Variants in ZFAT observed in about 807,000 individuals in gnomAD.
ZFAT encodes the protein zinc finger and AT-hook domain containing.
In ZFAT, 64 loss-of-function variants were observed where a neutral mutation model predicts 117.7. That is an observed-to-expected ratio of 0.54 (90% CI 0.44 to 0.67). The LOEUF is 0.67. ZFAT is among the 30% of genes least tolerant of loss of function. The probability of loss-of-function intolerance (pLI) is 0.00; values close to 1 mark genes in which losing one functional copy is unlikely to be tolerated. For missense variants in ZFAT, 1,433 were observed against 1,584.5 expected, an observed-to-expected ratio of 0.90 and a Z score of 1.62; for synonymous variants, 679 against 615.0, an observed-to-expected ratio of 1.10 and a Z score of -1.54.
intron 12 of ZFAT, among the ~76,000 whole-genome samples, chr8:134,521,275 G>C (rs989066499): frequency 4.0e-5 from 6 of 149,838 alleles, no homozygotes; most frequent in Non-Finnish European, 7.5e-5. Context: ...ATGGCAGAGA[G>C]AACTAAGATA....
Position 134,565,391 on chromosome 8 carries a change from T to A in ZFAT, c.2918A>T (p.Tyr973Phe), listed in dbSNP as rs557068277. The A allele has an allele frequency of 1.2e-6, 2 of 1,613,914 alleles. No individual in the cohort carries two copies. Among genetic ancestry groups the A allele is most frequent in the South Asian group, 2.2e-5 (2 of 91,050 alleles). ...CAGCTGTGGCTTCTGGGCCGCTGTG[T>A]AGTCACACACCGTGCACTTAAACTG... ...GKQFKCTVCD[Y>F]TAAQKPQLLR... Residue 973 changes from tyrosine to phenylalanine, a missense_variant, in exon 11 of 16, where the codon TAC becomes TTC. Tyr to Phe is a conservative substitution (Grantham distance 22). Around this residue, in one of 5 missense-constraint regions of ZFAT, gnomAD observed 503 missense variants for 543.4 expected, o/e 0.93. Coordinates refer to ENST00000377838, the MANE Select transcript of ZFAT (RefSeq NM_020863.4).
chr8:134,704,758 GTTC>G (rs879305217), intron 1 of ZFAT, among the ~76,000 whole-genome samples: 6 of 152,040 alleles, frequency 3.9e-5, no homozygotes, highest in Admixed American at 6.5e-5. Flanking sequence ...GGAAGAAAAG[GTTC>G]TTCTAACAAA....
intron 3 of ZFAT, among the ~76,000 whole-genome samples, chr8:134,622,017 A>G (rs1829148750): frequency 6.6e-6 from 1 of 152,246 alleles, no homozygotes; most frequent in African/African-American, 2.4e-5. Context: ...TAAGGTTCAC[A>G]TGAGGGAACA....
At chr8:134,552,914 A>T (rs574905208) in intron 11 of ZFAT, among the ~76,000 whole-genome samples, 1 of 152,360 alleles carries the variant, frequency 6.6e-6, no homozygotes, top group Admixed American at 6.5e-5. Flanking sequence ...TGCTTTCCAT[A>T]AACCAGGAAA....
intron 15 of ZFAT, among the ~76,000 whole-genome samples, chr8:134,492,166 C>T (rs1818102212): frequency 6.6e-6 from 1 of 152,002 alleles, no homozygotes; most frequent in Admixed American, 6.5e-5. Flanking sequence ...CTACGGCAAG[C>T]AACTGCCCTC....
intron 15 of ZFAT, among the ~76,000 whole-genome samples, chr8:134,489,133 GAC>G (rs1289072327): frequency 6.6e-6 from 1 of 151,980 alleles, no homozygotes; most frequent in Non-Finnish European, 1.5e-5. Flanking sequence ...CTCTCTATTA[GAC>G]AGCAGAGACC....
intron 3 of ZFAT, among the ~76,000 whole-genome samples, chr8:134,619,116 T>C (rs1382656547): frequency 6.6e-6 from 1 of 152,136 alleles, no homozygotes; most frequent in African/African-American, 2.4e-5. Flanking sequence ...AAAATATCAT[T>C]GTCAAAAATG....
At chr8:134,517,279 A>G (rs1020661702) in intron 13 of ZFAT, among the ~76,000 whole-genome samples, 1 of 152,116 alleles carries the variant, frequency 6.6e-6, no homozygotes, top group Non-Finnish European at 1.5e-5. Context: ...TATTATATAA[A>G]ATACTTTTAC....
rs141120599 is a variant in ZFAT, at chr8:134,537,454, G to A, written c.2977-4482C>T. ...AGATCTAAGTATCAACCTCTAGACC[G>A]AGGAATCGCACAGTGGACCGGGAGA... On this transcript the variant is annotated intron_variant, in intron 11 of 15. Coordinates refer to ENST00000377838, the MANE Select transcript of ZFAT (RefSeq NM_020863.4). Among the ~76,000 whole-genome samples the A allele has an allele frequency of 3.9e-5, 6 of 152,330 alleles. No individual in the cohort carries two copies. The East Asian group carries it at 9.6e-4, about 24-fold the overall frequency.
chr8:134,521,385 AG>A (rs1228477496), intron 12 of ZFAT, among the ~76,000 whole-genome samples: 1 of 152,194 alleles, frequency 6.6e-6, no homozygotes, highest in Non-Finnish European at 1.5e-5. Context: ...AACAATGGAA[AG>A]GGAGTGTCTG....
chr8:134,506,359 T>C (rs944016093), intron 15 of ZFAT, among the ~76,000 whole-genome samples: 6 of 152,190 alleles, frequency 3.9e-5, no homozygotes, highest in African/African-American at 1.4e-4. Context: ...TTTCTGAGCG[T>C]TGGGAGATGC....
chr8:134,664,462 T>C lies in ZFAT; in HGVS notation c.20-6725A>G, dbSNP rs569554928. 3.3e-5 allele frequency among the ~76,000 whole-genome samples: 5 copies of C among 152,326 alleles called. No individual in the cohort carries two copies. The East Asian group carries it at 9.7e-4, about 29-fold the overall frequency. ...CCCCAGGGGCGCTCTATGCTGCTCC[T>C]ACCATTGCAATCTCATATTTAAAAG... On this transcript the variant is annotated intron_variant, in intron 1 of 15. Coordinates refer to ENST00000377838, the MANE Select transcript of ZFAT (RefSeq NM_020863.4).
chr8:134,543,960 G>A (rs1026621947), intron 11 of ZFAT, among the ~76,000 whole-genome samples: 3 of 152,092 alleles, frequency 2.0e-5, no homozygotes, highest in Admixed American at 6.5e-5. Context: ...TGAGTTCAAC[G>A]TTTTCTTTAA....
At chr8:134,568,701 C>T (rs1186989094) in intron 10 of ZFAT, among the ~76,000 whole-genome samples, 1 of 152,206 alleles carries the variant, frequency 6.6e-6, no homozygotes, top group East Asian at 1.9e-4. Context: ...TAAAAGCCAT[C>T]CCTTACTGAA....
chr8:134,522,344 T>C (rs1820724964), intron 12 of ZFAT, among the ~76,000 whole-genome samples: 1 of 152,222 alleles, frequency 6.6e-6, no homozygotes, highest in Non-Finnish European at 1.5e-5. Context: ...GCCAATAACC[T>C]TCCCCACCAT....
the ZFAT span, among the ~76,000 whole-genome samples, chr8:134,813,216 T>C: frequency 6.6e-6 from 1 of 152,242 alleles, no homozygotes; most frequent in African/African-American, 2.4e-5. Flanking sequence ...CACAATCTGG[T>C]TGTATTTTTA....
chr8:134,722,905 T>C, the ZFAT span: 1 of 152,038 alleles, frequency 6.6e-6, no homozygotes, highest in Non-Finnish European at 1.5e-5. Flanking sequence ...TGGACTCTAA[T>C]CCAACATGGC....
At chr8:134,582,019 T>A (rs1441286670) in intron 10 of ZFAT, among the ~76,000 whole-genome samples, 1 of 149,272 alleles carries the variant, frequency 6.7e-6, no homozygotes, top group Non-Finnish European at 1.5e-5. Context: ...AATGTTTTGT[T>A]AGAAAATACT....
At chr8:134,554,756 C>T (rs532833182) in intron 11 of ZFAT, among the ~76,000 whole-genome samples, 15 of 152,288 alleles carry the variant, frequency 9.8e-5, no homozygotes, top group South Asian at 4.1e-4. Context: ...GCTGGTAGAG[C>T]GCCTGTATGA....
Sources: gnomAD v4.1 joint callset for allele counts (sites outside exome capture counted in the v4.1 genomes callset) on GRCh38, gnomAD v4.1.1 for gene constraint, gnomAD v4.1.1 regional missense constraint, MANE v1.5 for transcripts, NCBI Gene and HGNC (gene_info 2026-07-23, HGNC 2026-07-21) for gene names.